Variants in GNG2 observed in about 807,000 individuals in gnomAD.
GNG2 encodes G protein subunit gamma 2.
In GNG2, 5 loss-of-function variants were observed where a neutral mutation model predicts 5.5. The observed-to-expected ratio is 0.91, with a 90% CI of 0.48 to 1.92. The LOEUF is 1.92. Ranked by LOEUF, GNG2 falls within the 30% of genes most tolerant of loss-of-function variation. The probability of loss-of-function intolerance (pLI) is 0.01; values close to 1 mark genes in which losing one functional copy is unlikely to be tolerated. For missense variants in GNG2, 55 were observed against 88.4 expected (o/e 0.62, Z 1.52); for synonymous variants, 28 against 32.0 (o/e 0.88, Z 0.42).
chr14:51,844,270 A>G (rs973830138), intron 2 of GNG2, among the ~76,000 whole-genome samples: 5 of 152,184 alleles, frequency 3.3e-5, no homozygotes, highest in African/African-American at 9.7e-5. Context: ...ATAACTCATA[A>G]GTCGTCACTT....
intron 2 of GNG2, among the ~76,000 whole-genome samples, chr14:51,919,972 A>G (rs1198482122): frequency 2.6e-5 from 4 of 152,106 alleles, no homozygotes; most frequent in Non-Finnish European, 5.9e-5. Context: ...TTAGATATAA[A>G]CCGTTGTCCC....
At chr14:51,909,989 C>T (rs1886196820) in intron 2 of GNG2, among the ~76,000 whole-genome samples, 1 of 152,150 alleles carries the variant, frequency 6.6e-6, no homozygotes, top group Non-Finnish European at 1.5e-5. Context: ...TTGATCCATT[C>T]ATTCATGGAT....
At chr14:51,838,430 C>T (rs748887192) in intron 2 of GNG2, among the ~76,000 whole-genome samples, 40 of 148,316 alleles carry the variant, frequency 2.7e-4, no homozygotes, top group Non-Finnish European at 5.3e-4. Flanking sequence ...GGCAACAGAG[C>T]GAGACTCTGT....
chr14:51,846,541 A>G (rs1471969935), intron 2 of GNG2, among the ~76,000 whole-genome samples: 4 of 152,234 alleles, frequency 2.6e-5, no homozygotes, highest in Non-Finnish European at 4.4e-5. Flanking sequence ...TAGAACTATA[A>G]AAAGAAGAAC....
At chr14:51,875,388 C>T (rs1883588322) in intron 1 of GNG2, among the ~76,000 whole-genome samples, 1 of 152,164 alleles carries the variant, frequency 6.6e-6, no homozygotes, top group South Asian at 2.1e-4. Context: ...TGACTGCATA[C>T]CTAGCAGCAA....
chr14:51,881,258 T>C (rs898051080), intron 2 of GNG2, among the ~76,000 whole-genome samples: 14 of 152,022 alleles, frequency 9.2e-5, no homozygotes, highest in Non-Finnish European at 1.5e-4. Context: ...ATCGAACTTT[T>C]CCCCCCTAAG....
At chr14:51,909,706 C>T (rs1257282475) in intron 2 of GNG2, among the ~76,000 whole-genome samples, 1 of 152,188 alleles carries the variant, frequency 6.6e-6, no homozygotes, top group East Asian at 1.9e-4. Flanking sequence ...AGTATGAATA[C>T]TGAGGAAGTT....
chr14:51,827,008 G>A (rs1204759908), intron 1 of GNG2, among the ~76,000 whole-genome samples: 7 of 152,164 alleles, frequency 4.6e-5, no homozygotes, highest in South Asian at 2.1e-4. Flanking sequence ...CTGACACAAG[G>A]TGAGAGGTGT....
At chr14:51,892,647 C>T (rs367927673) in intron 2 of GNG2, among the ~76,000 whole-genome samples, 5 of 152,122 alleles carry the variant, frequency 3.3e-5, no homozygotes, top group African/African-American at 7.2e-5. Flanking sequence ...AAATGTAACA[C>T]GCTCTTGTTT....
chr14:51,835,830 A>G (rs1881313932), intron 2 of GNG2, among the ~76,000 whole-genome samples: 1 of 152,136 alleles, frequency 6.6e-6, no homozygotes, highest in South Asian at 2.1e-4. Context: ...TATTAGTCTT[A>G]TTACTAATTT....
At chr14:51,869,715 G>A (rs2140118801) in intron 1 of GNG2, among the ~76,000 whole-genome samples, 1 of 152,224 alleles carries the variant, frequency 6.6e-6, no homozygotes, top group South Asian at 2.1e-4. Context: ...GTTTCACCGT[G>A]TTACCCAGAC....
intron 2 of GNG2, among the ~76,000 whole-genome samples, chr14:51,855,064 A>T (rs759720516): frequency 1.3e-5 from 2 of 152,112 alleles, no homozygotes; most frequent in Non-Finnish European, 2.9e-5. Context: ...TCTTTAACTC[A>T]TTCATCACCG....
rs549406603 is a variant in GNG2, at chr14:51,855,095, T to C, written c.64+27288T>C. 1.4e-4 allele frequency among the ~76,000 whole-genome samples: 21 copies of C among 152,304 alleles called. No homozygotes were observed. The East Asian group carries it at 2.9e-3, about 21-fold the overall frequency. ...CACCGATAGCCTCCCCAGGAGTGTA[T>C]GTATATATGCAACACACACATGTAT... On this transcript the variant is annotated intron_variant, in intron 2 of 3. Transcript: ENST00000553432.
At chr14:51,961,199 T>C (rs773248080) in intron 3 of GNG2, among the ~76,000 whole-genome samples, 91 of 152,340 alleles carry the variant, frequency 6.0e-4, no homozygotes, top group Admixed American at 2.7e-3. Context: ...GTTTTTAATT[T>C]AAGGCAGGAG....
intron 2 of GNG2, among the ~76,000 whole-genome samples, chr14:51,832,528 A>G (rs1297662332): frequency 6.6e-6 from 1 of 152,254 alleles, no homozygotes; most frequent in Non-Finnish European, 1.5e-5. Context: ...CTGGGCTTCC[A>G]TAACAAAATA....
intron 2 of GNG2, among the ~76,000 whole-genome samples, chr14:51,884,863 C>T (rs959990847): frequency 6.6e-6 from 1 of 152,136 alleles, no homozygotes; most frequent in African/African-American, 2.4e-5. Flanking sequence ...ATAGTTGGTT[C>T]AGAGGGTGGG....
intron 2 of GNG2, among the ~76,000 whole-genome samples, chr14:51,942,589 C>CTTTCTTTCTTTCTTTCTTTTTTTTTTTTT (rs761049973): frequency 1.2e-5 from 1 of 81,146 alleles, no homozygotes; most frequent in African/African-American, 5.9e-5. Context: ...TTCTTTCTTT[C>CTTTCTTTCTTTCTTTCTTTTTTTTTTTTT]TTTTTTTTTT....
At chr14:51,852,873 A>C (rs1443738740) in intron 2 of GNG2, among the ~76,000 whole-genome samples, 1 of 152,264 alleles carries the variant, frequency 6.6e-6, no homozygotes, top group Admixed American at 6.5e-5. Context: ...GCTTTCCTTC[A>C]TAAGAGCTTT....
At chr14:51,861,026 C>T (rs2140100988) in intron 1 of GNG2, among the ~76,000 whole-genome samples, 1 of 152,150 alleles carries the variant, frequency 6.6e-6, no homozygotes, top group East Asian at 1.9e-4. Flanking sequence ...ATGCTAAATA[C>T]AAGAAGCTGT....
Sources: allele counts gnomAD v4.1 joint callset (sites outside exome capture counted in the v4.1 genomes callset), GRCh38; gene constraint gnomAD v4.1.1; transcripts MANE v1.5; gene names NCBI Gene and HGNC (gene_info 2026-07-23, HGNC 2026-07-21).